PDZRN4: variants seen among roughly 807,000 people sequenced by gnomAD.
PDZRN4 encodes PDZ domain-containing RING finger protein 4.
In PDZRN4, 70 loss-of-function variants were observed where a neutral mutation model predicts 99.0. The observed-to-expected ratio is 0.71, with a 90% CI of 0.58 to 0.86. The LOEUF (loss-of-function observed/expected upper bound fraction) is 0.86. Ranked by LOEUF, PDZRN4 falls within the 40% of genes least tolerant of loss-of-function variation. PDZRN4 has a pLI of 0.00. For missense variants in PDZRN4, 1,474 were observed against 1,331.2 expected (o/e 1.11, Z -1.67); for synonymous variants, 551 against 501.6 (o/e 1.10, Z -1.32).
At chr12:41,471,104 C>A (rs1467851885) in intron 3 of PDZRN4, among the ~76,000 whole-genome samples, 3 of 152,102 alleles carry the variant, frequency 2.0e-5, no homozygotes, top group African/African-American at 7.2e-5. Flanking sequence ...TGGAAATGAC[C>A]CCTTTAAGAA....
chr12:41,461,387 A>G (rs1952872633), intron 3 of PDZRN4, among the ~76,000 whole-genome samples: 1 of 152,072 alleles, frequency 6.6e-6, no homozygotes, highest in African/African-American at 2.4e-5. Context: ...CTGGGACCAA[A>G]AAGCCCCAGG....
At chr12:41,521,162 C>T (rs1284003649) in intron 5 of PDZRN4, among the ~76,000 whole-genome samples, 1 of 151,958 alleles carries the variant, frequency 6.6e-6, no homozygotes, top group Non-Finnish European at 1.5e-5. Flanking sequence ...TTGTTCTTGC[C>T]CTCTTACAGA....
chr12:41,217,228 T>C (rs1950927090), intron 3 of PDZRN4, among the ~76,000 whole-genome samples: 1 of 152,112 alleles, frequency 6.6e-6, no homozygotes, highest in Non-Finnish European at 1.5e-5. Flanking sequence ...AGCAACTCAA[T>C]GAACCATTTT....
At chr12:41,373,254 G>A (rs1026339534) in intron 3 of PDZRN4, among the ~76,000 whole-genome samples, 3 of 152,266 alleles carry the variant, frequency 2.0e-5, no homozygotes, top group South Asian at 2.1e-4. Flanking sequence ...GATTGTCATT[G>A]ATAGCATCTT....
intron 3 of PDZRN4, among the ~76,000 whole-genome samples, chr12:41,462,697 T>C (rs1460359678): frequency 6.6e-6 from 1 of 152,198 alleles, no homozygotes; most frequent in Non-Finnish European, 1.5e-5. Context: ...AAAATGTGAA[T>C]TTTAGATGAG....
At chr12:41,521,245 T>A (rs1938487641) in intron 5 of PDZRN4, among the ~76,000 whole-genome samples, 1 of 152,140 alleles carries the variant, frequency 6.6e-6, no homozygotes, top group Non-Finnish European at 1.5e-5. Context: ...TTAAATCTGA[T>A]ACTTTTTCTT....
chr12:41,428,741 G>T lies in PDZRN4; in HGVS notation c.844-77715G>T, dbSNP rs1362978953. Among the ~76,000 whole-genome samples the T allele has an allele frequency of 2.0e-5, 3 of 152,142 alleles. No homozygotes were observed. In the East Asian group the frequency reaches 5.8e-4, roughly 29 times the overall value. On this transcript the variant is annotated intron_variant, in intron 3 of 9. Transcript: ENST00000402685. The stretch of plus-strand genomic sequence containing the variant: ...AATGTGTGTGTGTAGGCAGAGAAGA[G>T]CAAGAAATCAACAACTTGCTCCTCA...
intron 3 of PDZRN4, among the ~76,000 whole-genome samples, chr12:41,459,526 C>G (rs1952849891): frequency 6.6e-6 from 1 of 152,200 alleles, no homozygotes; most frequent in African/African-American, 2.4e-5. Context: ...TTTCAATTAG[C>G]CATTACCAGA....
At chr12:41,359,225 G>C (rs1565561626) in intron 3 of PDZRN4, among the ~76,000 whole-genome samples, 1 of 151,832 alleles carries the variant, frequency 6.6e-6, no homozygotes, top group Non-Finnish European at 1.5e-5. Context: ...ATTGTATTAT[G>C]GTTGAGAAGG....
chr12:41,480,554 A>G (rs896476690), intron 3 of PDZRN4, among the ~76,000 whole-genome samples: 1 of 152,140 alleles, frequency 6.6e-6, no homozygotes, highest in Admixed American at 6.6e-5. Context: ...CAGTTTCTAC[A>G]ATGTATTTAC....
chr12:41,558,701 T>A lies in PDZRN4; in HGVS notation c.1365+2941T>A, dbSNP rs1219880027. On this transcript the variant is annotated intron_variant, in intron 7 of 9. Transcript: ENST00000402685. ...AGGAAACAATAGCAGGATGTTAAAG[T>A]GCTGTTTTCCGCCTGATTACTTTAT... is the stretch of plus-strand genomic sequence containing the variant. Among the ~76,000 whole-genome samples the A allele has an allele frequency of 2.0e-5, 3 of 152,230 alleles. No homozygotes were observed. In the East Asian group the frequency reaches 5.8e-4, roughly 29 times the overall value.
Position 41,508,011 on chromosome 12 carries a change from T to C in PDZRN4, c.1100+1299T>C, listed in dbSNP as rs557265607. 3.9e-5 allele frequency among the ~76,000 whole-genome samples: 6 copies of C among 152,336 alleles called. No homozygotes were observed. The South Asian group carries it at 1.2e-3, about 32-fold the overall frequency. ...TCCAACAAATACTTCCTTGAATGAA[T>C]AATAATAGCTAGCTTGTATTAGCTA... On this transcript the variant is annotated intron_variant, in intron 4 of 9. Coordinates refer to ENST00000402685, the MANE Select transcript of PDZRN4 (RefSeq NM_001164595.2).
intron 3 of PDZRN4, among the ~76,000 whole-genome samples, chr12:41,359,771 C>T (rs927463901): frequency 6.6e-6 from 1 of 151,906 alleles, no homozygotes; most frequent in African/African-American, 2.4e-5. Flanking sequence ...TGTAAATTAC[C>T]CAGTCTTGAG....
chr12:41,437,808 G>C, intron 3 of PDZRN4: 1 of 1,566,002 alleles, frequency 6.4e-7, no homozygotes, highest in Non-Finnish European at 8.6e-7. Context: ...CCAGCTAACA[G>C]CGGTTTGTCT....
chr12:41,417,171 A>G (rs568884251), intron 3 of PDZRN4, among the ~76,000 whole-genome samples: 1 of 152,328 alleles, frequency 6.6e-6, no homozygotes, highest in African/African-American at 2.4e-5. Flanking sequence ...CTAAAGAAAC[A>G]CATCTTTAGA....
chr12:41,264,239 T>C (rs1195624619), intron 3 of PDZRN4, among the ~76,000 whole-genome samples: 2 of 152,184 alleles, frequency 1.3e-5, no homozygotes, highest in Non-Finnish European at 2.9e-5. Context: ...GCAAAGACTA[T>C]CAAGTGACTT....
chr12:41,375,766 T>C (rs1952074312), intron 3 of PDZRN4, among the ~76,000 whole-genome samples: 1 of 152,148 alleles, frequency 6.6e-6, no homozygotes, highest in Admixed American at 6.6e-5. Context: ...TGTGTATTTG[T>C]GAGGTGACAA....
At chr12:41,371,899 G>A (rs1328022433) in intron 3 of PDZRN4, among the ~76,000 whole-genome samples, 5 of 151,944 alleles carry the variant, frequency 3.3e-5, no homozygotes, top group Admixed American at 1.3e-4. Flanking sequence ...TATGTCTGGC[G>A]AGGCAGCAGG....
intron 3 of PDZRN4, among the ~76,000 whole-genome samples, chr12:41,496,480 G>C (rs1490211494): frequency 6.6e-6 from 1 of 152,048 alleles, no homozygotes; most frequent in East Asian, 1.9e-4. Flanking sequence ...AAGTCACACA[G>C]CTAGTCCCCA....
Sources: allele counts gnomAD v4.1 joint callset (sites outside exome capture counted in the v4.1 genomes callset), GRCh38; gene constraint gnomAD v4.1.1; transcripts MANE v1.5; gene names NCBI Gene and HGNC (gene_info 2026-07-23, HGNC 2026-07-21).